HS3ST5: variants seen among roughly 807,000 people sequenced by gnomAD.
HS3ST5 encodes heparan sulfate-glucosamine 3-sulfotransferase 5.
A neutral mutation model predicts 25.4 loss-of-function variants in HS3ST5; 10 were observed. The ratio of observed to expected loss-of-function variants is 0.39; its 90% CI spans 0.24 to 0.67. The LOEUF is 0.67. Ranked by LOEUF, HS3ST5 falls within the 30% of genes least tolerant of loss-of-function variation. The pLI is 0.44. For missense variants in HS3ST5, 324 were observed against 420.7 expected (o/e 0.77, Z 2.01); for synonymous variants, 170 against 162.4 (o/e 1.05, Z -0.36).
intron 1 of HS3ST5, among the ~76,000 whole-genome samples, chr6:114,252,155 T>TAA (rs35335651): frequency 0.024 from 3,526 of 149,654 alleles, 47 homozygotes; most frequent in Non-Finnish European, 0.029. Context: ...CAGGCTCATC[T>TAA]AAAAAAAAAA....
At chr6:114,184,758 G>A (rs549472667) in intron 2 of HS3ST5, among the ~76,000 whole-genome samples, 7 of 152,290 alleles carry the variant, frequency 4.6e-5, no homozygotes, top group Admixed American at 2.0e-4. Flanking sequence ...CGGTGGGGCC[G>A]AAAGGTGGGA....
chr6:114,306,601 A>T (rs749345411), intron 1 of HS3ST5, among the ~76,000 whole-genome samples: 1 of 152,080 alleles, frequency 6.6e-6, no homozygotes, highest in Non-Finnish European at 1.5e-5. Flanking sequence ...CTAGACTAAA[A>T]ACATTCTCAA....
At chr6:114,153,275 C>T (rs2114965378) in intron 3 of HS3ST5, among the ~76,000 whole-genome samples, 2 of 152,256 alleles carry the variant, frequency 1.3e-5, no homozygotes, top group South Asian at 4.1e-4. Context: ...AGGTCCTAAA[C>T]CCAGGTCAGC....
chr6:114,221,474 C>T (rs1782036712), intron 2 of HS3ST5, among the ~76,000 whole-genome samples: 1 of 150,926 alleles, frequency 6.6e-6, no homozygotes. Context: ...TCTTACCTGA[C>T]ATTTGAATCT....
chr6:114,215,108 A>T (rs1781690973), intron 2 of HS3ST5, among the ~76,000 whole-genome samples: 1 of 152,134 alleles, frequency 6.6e-6, no homozygotes, highest in Non-Finnish European at 1.5e-5. Context: ...GATCGAGACC[A>T]TCCTGGCTAA....
chr6:114,199,901 G>C (rs2114360169), intron 2 of HS3ST5, among the ~76,000 whole-genome samples: 1 of 152,300 alleles, frequency 6.6e-6, no homozygotes, highest in Non-Finnish European at 1.5e-5. Flanking sequence ...AATTTGCAAA[G>C]CTACCTCCTG....
intron 1 of HS3ST5, among the ~76,000 whole-genome samples, chr6:114,317,795 C>T (rs1043536160): frequency 5.9e-4 from 1 of 1,698 alleles, no homozygotes; most frequent in South Asian, 0.038. Flanking sequence ...TGATGGGAGG[C>T]GGGGGGCGGG....
Position 114,327,147 on chromosome 6 carries a change from C to T in HS3ST5, c.-339+15048G>A, listed in dbSNP as rs76638841. Among the ~76,000 whole-genome samples the T allele has an allele frequency of 1.7e-3, 260 of 152,270 alleles. 2 individuals carry two copies. Among genetic ancestry groups the T allele is most frequent in the African/African-American group, 6.1e-3 (253 of 41,556 alleles). On this transcript the variant is annotated intron_variant, in intron 1 of 4. Coordinates refer to ENST00000312719, the MANE Select transcript of HS3ST5 (RefSeq NM_153612.4). ...TTAGTGTCTGCAAACAATGATGACA[C>T]ATTCTTTACCTTAAATACATTTATT...
At chr6:114,304,097 A>ACC in intron 1 of HS3ST5, among the ~76,000 whole-genome samples, 1 of 152,100 alleles carries the variant, frequency 6.6e-6, no homozygotes, top group African/African-American at 2.4e-5. Flanking sequence ...AAGATGTCAG[A>ACC]AGTATTTCTG....
At chr6:114,242,398 T>C (rs537962536) in intron 1 of HS3ST5, among the ~76,000 whole-genome samples, 1 of 152,306 alleles carries the variant, frequency 6.6e-6, no homozygotes, top group African/African-American at 2.4e-5. Context: ...ATTATTATTA[T>C]ATGTTAAATG....
At chr6:114,180,817 G>T (rs1028266817) in intron 2 of HS3ST5, among the ~76,000 whole-genome samples, 4 of 152,146 alleles carry the variant, frequency 2.6e-5, no homozygotes, top group African/African-American at 9.7e-5. Flanking sequence ...CATTGCTGAG[G>T]TATGGTTTTA....
chr6:114,058,910 T>TA (rs1772935056), intron 4 of HS3ST5: 1 of 152,236 alleles, frequency 6.6e-6, no homozygotes, highest in Non-Finnish European at 1.5e-5. Flanking sequence ...GCAAGTGCTG[T>TA]ATATCACCTA....
At chr6:114,330,519 G>T (rs1490632169) in intron 1 of HS3ST5, among the ~76,000 whole-genome samples, 1 of 152,188 alleles carries the variant, frequency 6.6e-6, no homozygotes, top group Non-Finnish European at 1.5e-5. Context: ...AGGCAGCAGG[G>T]CCAAAGGTAT....
At chr6:114,067,453 A>T (rs1305591201) in intron 3 of HS3ST5, among the ~76,000 whole-genome samples, 1 of 152,180 alleles carries the variant, frequency 6.6e-6, no homozygotes, top group Non-Finnish European at 1.5e-5. Context: ...ATGACGAAAA[A>T]ACTGTCAGCA....
intron 3 of HS3ST5, among the ~76,000 whole-genome samples, chr6:114,136,243 C>G (rs1041246467): frequency 6.6e-6 from 1 of 152,144 alleles, no homozygotes; most frequent in Non-Finnish European, 1.5e-5. Flanking sequence ...ATGGGACGGA[C>G]CCAGTGGGAG....
At chr6:114,238,515 T>A (rs1220443562) in intron 1 of HS3ST5, among the ~76,000 whole-genome samples, 1 of 152,220 alleles carries the variant, frequency 6.6e-6, no homozygotes, top group African/African-American at 2.4e-5. Context: ...GATGTACACG[T>A]ACAGATTTGC....
chr6:114,292,609 G>T (rs543898446), intron 1 of HS3ST5, among the ~76,000 whole-genome samples: 3 of 152,160 alleles, frequency 2.0e-5, no homozygotes, highest in Non-Finnish European at 4.4e-5. Flanking sequence ...ACATTCAAGT[G>T]CCAGAGTCAT....
Position 114,233,753 on chromosome 6 carries a change from C to T in HS3ST5, c.-338-4975G>A, listed in dbSNP as rs114326364. On this transcript the variant is annotated intron_variant, in intron 1 of 4. Transcript: ENST00000312719. Reference sequence around the variant, plus strand: ...ACTGATTATTTTGGAAAACAGTTACCCCAAGTTCAAATTAATTCCTAGTTA... The same window carrying T: ...ACTGATTATTTTGGAAAACAGTTACTCCAAGTTCAAATTAATTCCTAGTTA... Among the ~76,000 whole-genome samples, 881 of 152,050 alleles carry T rather than the reference C, an allele frequency of 5.8e-3. 6 individuals carry two copies. Among genetic ancestry groups the T allele is most frequent in the African/African-American group, 0.021 (852 of 41,476 alleles).
At chr6:114,209,922 G>A (rs962267503) in intron 2 of HS3ST5, among the ~76,000 whole-genome samples, 5 of 152,056 alleles carry the variant, frequency 3.3e-5, no homozygotes, top group African/African-American at 4.8e-5. Flanking sequence ...AATAGCATAA[G>A]GTGAACTTTC....
Sources: allele counts gnomAD v4.1 joint callset (sites outside exome capture counted in the v4.1 genomes callset), GRCh38; gene constraint gnomAD v4.1.1; transcripts MANE v1.5; gene names NCBI Gene and HGNC (gene_info 2026-07-23, HGNC 2026-07-21).